The following PGM2 variants were observed in gnomAD, a reference collection of about 807,000 sequenced individuals.
PGM2 encodes phosphopentomutase.
PGM2 carries 57 observed loss-of-function variants against 74.6 expected under a neutral mutation model. The observed-to-expected ratio is 0.76, with a 90% CI of 0.62 to 0.95. The LOEUF is 0.95. Ranked by LOEUF, PGM2 falls within the 40% of genes least tolerant of loss-of-function variation. The pLI, the probability that PGM2 is intolerant of heterozygous loss-of-function variation, is 0.00. For synonymous variants in PGM2, 273 were observed against 260.7 expected (o/e 1.05, Z -0.46); for missense variants, 706 against 741.9 (o/e 0.95, Z 0.56).
Position 37,861,698 on chromosome 4 carries a change from T to C in PGM2, c.*86T>C. On this transcript the variant is annotated 3_prime_UTR_variant, in exon 14 of 14. Transcript: ENST00000381967. ...AGCAATATTTTTAAGGGCCAAATGA[T>C]TCAAAACATCACAGGTATTTATGTG... 1 of 790,202 alleles carries C rather than the reference T, an allele frequency of 1.3e-6. No homozygotes were observed. Among genetic ancestry groups the C allele is most frequent in the Non-Finnish European group, 2.3e-6 (1 of 439,470 alleles). 48.9% of individuals were successfully genotyped at this position (790,202 alleles called of 1,614,324 possible). A position where few individuals can be genotyped will look rare whatever the true frequency, so the allele number is the denominator to read the frequency against.
Position 37,861,806 on chromosome 4 carries a change from C to CA in PGM2, c.*195dup. On this transcript the variant is annotated 3_prime_UTR_variant, in exon 14 of 14. Transcript: ENST00000381967. The stretch of plus-strand genomic sequence containing the variant: ...AAAATGGCCAAACCCAACAAACTAA[C>CA]ATTCCTACTAAAAAGTTGAGCTTGG... 1 of 436,206 alleles carries CA rather than the reference C, an allele frequency of 2.3e-6. No individual in the cohort carries two copies. The highest frequency in any genetic ancestry group is 4.2e-6 in the Non-Finnish European group (1 of 239,742). 27.0% of individuals were successfully genotyped at this position (436,206 alleles called of 1,614,324 possible).
intron 4 of PGM2, 150 bp from the exon 5 acceptor site, chr4:37,839,698 C>T (rs1189120961): frequency 1.4e-6 from 1 of 698,186 alleles, no homozygotes; most frequent in Admixed American, 2.0e-5. Context: ...TTGCATACTG[C>T]TGGGGTGTGG....
intron 6 of PGM2, among the ~76,000 whole-genome samples, chr4:37,842,125 C>G (rs992598306): frequency 2.0e-5 from 3 of 150,024 alleles, no homozygotes; most frequent in Admixed American, 2.0e-4. Context: ...GTTTGTTCAC[C>G]TTTTATATTT....
chr4:37,861,752 T>G lies in PGM2; in HGVS notation c.*140T>G. ...TACAAAGACCTACATTCCTCATTGT[T>G]TCATGTTTGACCTTTAAGGTGAAAA... On this transcript the variant is annotated 3_prime_UTR_variant, in exon 14 of 14. Coordinates refer to ENST00000381967, the MANE Select transcript of PGM2 (RefSeq NM_018290.4). 1 of 507,418 alleles carries G rather than the reference T, an allele frequency of 2.0e-6. No homozygotes were observed. Among genetic ancestry groups the G allele is most frequent in the Non-Finnish European group, 3.6e-6 (1 of 277,966 alleles). The allele number at this position is 507,418 out of a possible 1,614,324, so 31.4% of individuals were successfully genotyped here.
At chr4:37,852,110 AG>A (rs1726057718) in intron 12 of PGM2, among the ~76,000 whole-genome samples, 1 of 143,294 alleles carries the variant, frequency 7.0e-6, no homozygotes, top group African/African-American at 2.5e-5. Context: ...GCTAGGACCA[AG>A]GGTATGCCAT....
intron 4 of PGM2, 118 bp from the exon 5 acceptor site, chr4:37,839,730 A>G (rs1725656025): frequency 1.4e-6 from 1 of 702,528 alleles, no homozygotes; most frequent in African/African-American, 1.8e-5. Flanking sequence ...TATGCTATTT[A>G]TATATTATGT....
At chr4:37,827,101 C>T (rs1440818751) in intron 1 of PGM2, among the ~76,000 whole-genome samples, 2 of 152,252 alleles carry the variant, frequency 1.3e-5, no homozygotes, top group African/African-American at 4.8e-5. Context: ...GGTGTAAGCG[C>T]GGCCAGACCC....
chr4:37,851,815 C>T (rs922703658), intron 12 of PGM2, among the ~76,000 whole-genome samples: 2 of 152,180 alleles, frequency 1.3e-5, no homozygotes, highest in Admixed American at 6.5e-5. Flanking sequence ...CCTCACAGTA[C>T]GTTTATGCCA....
intron 1 of PGM2, among the ~76,000 whole-genome samples, chr4:37,827,854 G>C (rs1185960587): frequency 6.6e-6 from 1 of 152,146 alleles, no homozygotes; most frequent in Non-Finnish European, 1.5e-5. Flanking sequence ...TGTCTTGAAA[G>C]TCTTACTGGT....
intron 6 of PGM2, among the ~76,000 whole-genome samples, chr4:37,840,947 A>AGTGTGT (rs201822410): frequency 1.3e-5 from 1 of 75,770 alleles, no homozygotes; most frequent in East Asian, 2.7e-4. Flanking sequence ...CATACATGTA[A>AGTGTGT]GTGTGTGTGT....
At chr4:37,845,130 G>A (rs1000306900) in intron 7 of PGM2, among the ~76,000 whole-genome samples, 17 of 152,152 alleles carry the variant, frequency 1.1e-4, no homozygotes, top group Middle Eastern at 3.4e-3. Context: ...TTAATTTGCC[G>A]TGTCTCCTTA....
intron 13 of PGM2, among the ~76,000 whole-genome samples, chr4:37,858,342 T>TTTG (rs201755539): frequency 9.5e-6 from 1 of 105,436 alleles, no homozygotes; most frequent in Non-Finnish European, 1.9e-5. Flanking sequence ...TTTGTTTTGT[T>TTTG]TTTTGTTTTT....
intron 11 of PGM2, among the ~76,000 whole-genome samples, chr4:37,849,027 G>A (rs570174551): frequency 4.0e-5 from 6 of 148,764 alleles, no homozygotes; most frequent in South Asian, 2.1e-4. Flanking sequence ...CCGAGATCGC[G>A]CCATTGCACT....
At chr4:37,826,879 G>C in intron 1 of PGM2, 66 bp downstream of exon 1, 4 of 1,016,644 alleles carry the variant, frequency 3.9e-6, no homozygotes, top group Non-Finnish European at 5.9e-6. Context: ...CTCCAGGCGC[G>C]GCGCTGCTTG....
chr4:37,861,459 G>A lies in PGM2; in HGVS notation c.1737-51G>A, dbSNP rs3822184. On this transcript the variant is annotated intron_variant, in intron 13 of 13. Transcript: ENST00000381967. Reference sequence around the variant, plus strand: ...GGTCAATGGGGGGAGCATTTAAACTGTGCTTTGGAATAATCCCTTGACCTG... The same window carrying A: ...GGTCAATGGGGGGAGCATTTAAACTATGCTTTGGAATAATCCCTTGACCTG... 3,284 of 1,228,444 alleles carry A rather than the reference G, an allele frequency of 2.7e-3. 97 individuals are homozygous for A. In the East Asian group the frequency reaches 0.06, roughly 22 times the overall value. The allele number at this position is 1,228,444 out of a possible 1,614,324, so 76.1% of individuals were successfully genotyped here.
In PGM2 at chr4:37,847,085, G is replaced by A. The variant is rs768378896; in HGVS notation, c.1162G>A (p.Ala388Thr). 16 of 1,613,464 alleles carry A rather than the reference G, an allele frequency of 9.9e-6. No individual in the cohort carries two copies. In the South Asian group the frequency reaches 1.8e-4, roughly 18 times the overall value. Residue 388 changes from alanine to threonine, a missense_variant, in exon 9 of 14, where the codon GCC becomes ACC. Ala to Thr is a moderately conservative substitution (Grantham distance 58). Transcript: ENST00000381967. Reference protein sequence around the residue: ...TVSSKILRAIALKEGFHFEET... With the variant: ...TVSSKILRAITLKEGFHFEET... ...CTCCTCCAAAATCTTGCGGGCCATT[G>A]CCTTAAAGGAAGGTTTTCATTTTGA...
At chr4:37,841,812 G>C (rs1219115297) in intron 6 of PGM2, among the ~76,000 whole-genome samples, 1 of 152,242 alleles carries the variant, frequency 6.6e-6, no homozygotes, top group Admixed American at 6.5e-5. Flanking sequence ...GTGCACAGTT[G>C]CTTGAGTATG....
At chr4:37,849,322 G>A (rs895642635) in intron 11 of PGM2, among the ~76,000 whole-genome samples, 1 of 151,588 alleles carries the variant, frequency 6.6e-6, no homozygotes, top group Non-Finnish European at 1.5e-5. Context: ...ATACAGAAAT[G>A]CGTGTGACCT....
intron 13 of PGM2, among the ~76,000 whole-genome samples, chr4:37,859,516 A>G (rs931205609): frequency 6.6e-6 from 1 of 152,168 alleles, no homozygotes; most frequent in Non-Finnish European, 1.5e-5. Context: ...CCTCAGTTCC[A>G]TTCCTGATGC....
Sources: gnomAD v4.1 joint callset for allele counts (sites outside exome capture counted in the v4.1 genomes callset) on GRCh38, gnomAD v4.1.1 for gene constraint, MANE v1.5 for transcripts, NCBI Gene and HGNC (gene_info 2026-07-23, HGNC 2026-07-21) for gene names.